LINGO2: variants seen among roughly 807,000 people sequenced by gnomAD.
LINGO2 encodes the protein leucine rich repeat and Ig domain containing 2.
A neutral mutation model predicts 30.6 loss-of-function variants in LINGO2; 14 were observed. The ratio of observed to expected loss-of-function variants is 0.46; its 90% CI spans 0.30 to 0.72. LINGO2 has a LOEUF of 0.72. LINGO2 is among the 30% of genes least tolerant of loss of function. The pLI is 0.07. For missense variants in LINGO2, 729 were observed against 751.7 expected, an observed-to-expected ratio of 0.97 and a Z score of 0.35; for synonymous variants, 317 against 288.5, an observed-to-expected ratio of 1.10 and a Z score of -1.00.
At chr9:28,767,264 A>T in the LINGO2 span, among the ~76,000 whole-genome samples, 43 of 152,204 alleles carry the variant, frequency 2.8e-4, no homozygotes, top group Admixed American at 8.5e-4. Context: ...AAAAAAAGGT[A>T]TGAGGAGATG....
chr9:28,420,040 G>C (rs1431208021), intron 2 of LINGO2, among the ~76,000 whole-genome samples: 4 of 152,018 alleles, frequency 2.6e-5, no homozygotes, highest in Non-Finnish European at 5.9e-5. Flanking sequence ...TCAAAGTTAA[G>C]AAGGCCATTG....
the LINGO2 span, among the ~76,000 whole-genome samples, chr9:28,748,822 A>G: frequency 1.3e-5 from 2 of 152,000 alleles, no homozygotes; most frequent in Admixed American, 1.3e-4. Flanking sequence ...GGCAAAAATA[A>G]AGATGTAAAA....
chr9:28,002,648 A>G (rs1458633473), intron 5 of LINGO2, among the ~76,000 whole-genome samples: 1 of 152,308 alleles, frequency 6.6e-6, no homozygotes, highest in East Asian at 1.9e-4. Context: ...CCTTAAACAA[A>G]GCCAATGTAT....
chr9:28,457,164 T>C (rs1410566457), intron 2 of LINGO2, among the ~76,000 whole-genome samples: 2 of 152,118 alleles, frequency 1.3e-5, no homozygotes, highest in Non-Finnish European at 2.9e-5. Flanking sequence ...GGAGAAACCT[T>C]GACCCATCAC....
chr9:29,177,561 C>T, the LINGO2 span, among the ~76,000 whole-genome samples: 1 of 152,100 alleles, frequency 6.6e-6, no homozygotes, highest in African/African-American at 2.4e-5. Context: ...ATGGATATGT[C>T]CCCAGAGGTG....
At chr9:28,757,251 T>A in the LINGO2 span, among the ~76,000 whole-genome samples, 1 of 152,042 alleles carries the variant, frequency 6.6e-6, no homozygotes. Context: ...GATGTCAATT[T>A]TTATAATACA....
intron 4 of LINGO2, among the ~76,000 whole-genome samples, chr9:28,132,030 T>C (rs1827392114): frequency 6.6e-6 from 1 of 152,210 alleles, no homozygotes; most frequent in South Asian, 2.1e-4. Flanking sequence ...ATTAAGTAAC[T>C]TCTCTGAACT....
At chr9:28,559,954 T>A (rs370058835) in intron 1 of LINGO2, among the ~76,000 whole-genome samples, 3 of 151,926 alleles carry the variant, frequency 2.0e-5, no homozygotes, top group African/African-American at 7.3e-5. Context: ...CCAACATCTG[T>A]ACATAGAGTA....
At chr9:28,271,247 T>A (rs1045513290) in intron 4 of LINGO2, among the ~76,000 whole-genome samples, 1 of 152,082 alleles carries the variant, frequency 6.6e-6, no homozygotes, top group African/African-American at 2.4e-5. Flanking sequence ...GTATAGGCAA[T>A]GTTTTAGTCA....
intron 1 of LINGO2, among the ~76,000 whole-genome samples, chr9:28,644,025 A>T (rs764645838): frequency 2.0e-5 from 3 of 152,062 alleles, no homozygotes. Flanking sequence ...TCCAAAAGAT[A>T]GGCAATAACA....
chr9:28,698,303 G>C, the LINGO2 span, among the ~76,000 whole-genome samples: 1 of 151,842 alleles, frequency 6.6e-6, no homozygotes, highest in African/African-American at 2.4e-5. Flanking sequence ...TAAGATACTT[G>C]CACAGGTCCT....
chr9:28,809,378 C>G, the LINGO2 span, among the ~76,000 whole-genome samples: 1 of 152,164 alleles, frequency 6.6e-6, no homozygotes, highest in Admixed American at 6.5e-5. Flanking sequence ...ACTGTCATAG[C>G]CCTTGGCAAG....
At chr9:29,067,781 C>T in the LINGO2 span, among the ~76,000 whole-genome samples, 56 of 145,654 alleles carry the variant, frequency 3.8e-4, no homozygotes, top group African/African-American at 1.3e-3. Flanking sequence ...CCCACTAGGG[C>T]TAATGAGCAT....
intron 5 of LINGO2, among the ~76,000 whole-genome samples, chr9:27,986,158 G>A (rs1161554456): frequency 3.3e-5 from 5 of 150,132 alleles, no homozygotes; most frequent in African/African-American, 1.2e-4. Context: ...AGGGGGAACA[G>A]GAGAAAAAAA....
At chr9:28,782,836 T>C in the LINGO2 span, among the ~76,000 whole-genome samples, 2 of 152,166 alleles carry the variant, frequency 1.3e-5, no homozygotes, top group Non-Finnish European at 2.9e-5. Flanking sequence ...TGTTAGGCAA[T>C]TTCATCATTG....
chr9:28,873,262 T>A, the LINGO2 span, among the ~76,000 whole-genome samples: 2 of 151,190 alleles, frequency 1.3e-5, no homozygotes, highest in East Asian at 3.9e-4. Flanking sequence ...CTCATCTACT[T>A]GGGAGGCTGA....
chr9:28,765,914 A>C, the LINGO2 span, among the ~76,000 whole-genome samples: 1 of 152,036 alleles, frequency 6.6e-6, no homozygotes, highest in Non-Finnish European at 1.5e-5. Context: ...AAATAAATAA[A>C]TACAACTGTC....
intron 3 of LINGO2, among the ~76,000 whole-genome samples, chr9:28,306,674 A>T (rs1000112124): frequency 4.1e-4 from 62 of 152,222 alleles, no homozygotes; most frequent in African/African-American, 1.4e-3. Flanking sequence ...AAATTGATAG[A>T]CCGCTAGCAA....
chr9:28,041,184 T>G (rs1016790827), intron 4 of LINGO2, among the ~76,000 whole-genome samples: 4 of 152,218 alleles, frequency 2.6e-5, no homozygotes, highest in Non-Finnish European at 4.4e-5. Context: ...GCATCTATTC[T>G]GTCTATTGCA....
Sources: gnomAD v4.1 joint callset for allele counts (sites outside exome capture counted in the v4.1 genomes callset) on GRCh38, gnomAD v4.1.1 for gene constraint, MANE v1.5 for transcripts, NCBI Gene and HGNC (gene_info 2026-07-23, HGNC 2026-07-21) for gene names.